The following CDK12 variants were observed in gnomAD, a reference collection of about 807,000 sequenced individuals.
CDK12 encodes the protein cyclin-dependent kinase 12.
In CDK12, 17 loss-of-function variants were observed where a neutral mutation model predicts 133.8. The observed-to-expected ratio is 0.13, with a 90% CI of 0.09 to 0.19. CDK12 has a LOEUF of 0.19. Among genes scored for constraint, CDK12 ranks in the 10% least tolerant of loss-of-function variants. The pLI is 1.00. For synonymous variants in CDK12, 694 were observed against 683.6 expected (o/e 1.02, Z -0.24); for missense variants, 1,508 against 1,818.7 (o/e 0.83, Z 3.11).
chr17:39,476,982 G>C (rs1005254165), intron 2 of CDK12, among the ~76,000 whole-genome samples: 3 of 151,056 alleles, frequency 2.0e-5, no homozygotes, highest in South Asian at 2.1e-4. Flanking sequence ...CCAACGTGCT[G>C]GAATTACAGG....
chr17:39,488,430 G>A (rs1360801440), intron 2 of CDK12, among the ~76,000 whole-genome samples: 4 of 151,976 alleles, frequency 2.6e-5, no homozygotes, highest in Non-Finnish European at 5.9e-5. Flanking sequence ...ATTTTGGCTG[G>A]TCAGGTTTGC....
chr17:39,482,373 A>G (rs934351643), intron 2 of CDK12, among the ~76,000 whole-genome samples: 8 of 151,934 alleles, frequency 5.3e-5, no homozygotes, highest in East Asian at 1.9e-4. Context: ...GGGAGTCTAC[A>G]TTATTTTTAA....
At chr17:39,507,049 G>T (rs904637890) in intron 6 of CDK12, among the ~76,000 whole-genome samples, 1 of 151,542 alleles carries the variant, frequency 6.6e-6, no homozygotes, top group African/African-American at 2.4e-5. Flanking sequence ...GGTGTCTGCC[G>T]CCACGCCCAG....
At chr17:39,496,870 T>G (rs1038404067) in intron 5 of CDK12, among the ~76,000 whole-genome samples, 2 of 151,258 alleles carry the variant, frequency 1.3e-5, no homozygotes, top group Non-Finnish European at 2.9e-5. Context: ...GTATGTCCAG[T>G]GGGTGTCCAT....
At chr17:39,507,396 G>A (rs552276437) in intron 6 of CDK12, among the ~76,000 whole-genome samples, 2 of 151,470 alleles carry the variant, frequency 1.3e-5, no homozygotes, top group South Asian at 2.1e-4. Flanking sequence ...AGACCAGCCT[G>A]ACCAACATGG....
At chr17:39,553,313 G>A (rs1348673717) in intron 2 of CDK12, among the ~76,000 whole-genome samples, 1 of 152,032 alleles carries the variant, frequency 6.6e-6, no homozygotes, top group African/African-American at 2.4e-5. Context: ...AGCTTCCAAA[G>A]CCATGAAGAA....
At chr17:39,500,200 C>T (rs541007416) in intron 5 of CDK12, among the ~76,000 whole-genome samples, 1 of 151,686 alleles carries the variant, frequency 6.6e-6, no homozygotes, top group African/African-American at 2.4e-5. Flanking sequence ...GTGTGGTGGC[C>T]TGTGCCTGTA....
rs2144289079 is a variant in CDK12, at chr17:39,553,058, T to C, written n.356+1916T>C. ...AGGTTTAGCCAAGGGTGCCAGATCT[T>C]TGCGGGGAAGAGGGATGACTTGAAG... On this transcript the variant is annotated intron_variant and non_coding_transcript_variant, in intron 2 of 3. Coordinates refer to the CDK12 transcript ENST00000558240. Among the ~76,000 whole-genome samples, 2 of 152,182 alleles carry C rather than the reference T, an allele frequency of 1.3e-5. 1 individual carries two copies. Among genetic ancestry groups the C allele is most frequent in the Non-Finnish European group, 2.9e-5 (2 of 68,004 alleles).
At chr17:39,519,808 G>T (rs2054056493) in intron 10 of CDK12, 148 bp from the exon 11 acceptor site, 2 of 683,142 alleles carry the variant, frequency 2.9e-6, no homozygotes, top group Admixed American at 4.7e-5. Flanking sequence ...TGTTGCCCAG[G>T]TTGATCTCAA....
chr17:39,509,595 T>C, intron 6 of CDK12, 110 bp from the exon 7 acceptor site: 2 of 746,412 alleles, frequency 2.7e-6, no homozygotes, highest in South Asian at 3.2e-5. Flanking sequence ...GAGCAGAAGT[T>C]AAAATTTATT....
intron 13 of CDK12, among the ~76,000 whole-genome samples, chr17:39,528,368 C>T (rs1045823989): frequency 2.0e-5 from 3 of 152,126 alleles, no homozygotes; most frequent in African/African-American, 2.4e-5. Context: ...GAGTCTCGCT[C>T]TGTCACCCAG....
rs12940668 is a variant in CDK12, at chr17:39,481,637, T to C, written c.1932-8920T>C. 7.1e-4 allele frequency among the ~76,000 whole-genome samples: 19 copies of C among 26,710 alleles called. 2 individuals carry two copies. The highest frequency in any genetic ancestry group is 7.4e-3 in the South Asian group (2 of 270). 17.5% of individuals were successfully genotyped at this position (26,710 alleles called of 152,430 possible). On this transcript the variant is annotated intron_variant, in intron 2 of 13. Transcript: ENST00000447079. ...TATGTGCTTGCTCGCTCGCGCGCTC[T>C]CTCTCTCTCTCTCTCTCTCTCTCTC...
At position 39,530,623 on chromosome 17, in the gene CDK12, TC is replaced by T. The variant is rs764921996; in HGVS notation, c.3782del (p.Pro1261HisfsTer33). 6.3e-7 allele frequency: 1 copy of T among 1,599,804 alleles called. No homozygotes were observed. The highest frequency in any genetic ancestry group is 8.5e-7 in the Non-Finnish European group (1 of 1,171,916). ...CCACAGCATGTCCTCCTCACATTCT[TC>T]CACCAGAGAAGAGGCCCCCTGAGCC... Reference protein sequence around the residue: ...EAAACPPHILPPEKRPPEPPG... With the variant: ...EAAACPPHILXPEKRPPEPPG... On this transcript the variant is annotated frameshift_variant, in exon 14 of 14. Transcript: ENST00000447079. LOFTEE classifies it high-confidence loss of function.
At chr17:39,550,258 C>G (rs191602650) in exon 1 of CDK12, 13 of 152,206 alleles carry the variant, frequency 8.5e-5, no homozygotes, top group African/African-American at 2.7e-4. Flanking sequence ...GTGCGGTTAC[C>G]GGGAACCCAG....
At chr17:39,505,604 G>A (rs1223245607) in intron 6 of CDK12, among the ~76,000 whole-genome samples, 1 of 151,952 alleles carries the variant, frequency 6.6e-6, no homozygotes, top group African/African-American at 2.4e-5. Context: ...TGGGATCAAG[G>A]CCACAGATGG....
At chr17:39,481,276 A>G (rs2050625213) in intron 2 of CDK12, among the ~76,000 whole-genome samples, 1 of 151,282 alleles carries the variant, frequency 6.6e-6, no homozygotes, top group African/African-American at 2.4e-5. Context: ...AAAAAAAAAA[A>G]AGAAATTTCA....
chr17:39,500,323 G>T (rs140000680), intron 5 of CDK12, among the ~76,000 whole-genome samples: 41 of 151,168 alleles, frequency 2.7e-4, no homozygotes, highest in African/African-American at 9.9e-4. Context: ...AGAATGAGAC[G>T]CTGTCTCAAA....
At chr17:39,526,340 C>T (rs113838864) in intron 13 of CDK12, 24 bp downstream of exon 13, 77 of 1,534,102 alleles carry the variant, frequency 5.0e-5, no homozygotes, top group Non-Finnish European at 6.4e-5. Flanking sequence ...TCATGAATCT[C>T]ATTGAGCTCA....
upstream of CDK12, among the ~76,000 whole-genome samples, chr17:39,544,873 G>T (rs552400086): frequency 1.3e-5 from 2 of 151,808 alleles, no homozygotes; most frequent in African/African-American, 4.8e-5. Flanking sequence ...CAGGTAATCC[G>T]CCCGCCTCAG....
Sources: allele counts gnomAD v4.1 joint callset (sites outside exome capture counted in the v4.1 genomes callset), GRCh38; gene constraint gnomAD v4.1.1; transcripts MANE v1.5; gene names NCBI Gene and HGNC (gene_info 2026-07-23, HGNC 2026-07-21).